KDM4C: variants seen among roughly 807,000 people sequenced by gnomAD.
KDM4C encodes the protein lysine-specific demethylase 4C.
KDM4C carries 81 observed loss-of-function variants against 129.3 expected under a neutral mutation model. The observed-to-expected ratio is 0.63, with a 90% CI of 0.52 to 0.75. The LOEUF (loss-of-function observed/expected upper bound fraction) is 0.75, where lower values mean the gene tolerates loss of function less well. Among genes scored for constraint, KDM4C ranks in the 30% least tolerant of loss-of-function variants. The pLI, the probability that KDM4C is intolerant of heterozygous loss-of-function variation, is 0.00. For missense variants in KDM4C, 1,457 were observed against 1,304.0 expected (o/e 1.12, Z -1.81); for synonymous variants, 573 against 456.1 (o/e 1.26, Z -3.26).
At chr9:6,856,031 A>G (rs1405916615) in intron 5 of KDM4C, among the ~76,000 whole-genome samples, 4 of 152,156 alleles carry the variant, frequency 2.6e-5, no homozygotes, top group African/African-American at 9.7e-5. Context: ...GTGAGTCACC[A>G]TTCCTGGCCC....
At chr9:7,088,821 A>G (rs1262682943) in intron 17 of KDM4C, among the ~76,000 whole-genome samples, 1 of 152,184 alleles carries the variant, frequency 6.6e-6, no homozygotes, top group African/African-American at 2.4e-5. Context: ...GTCCTGAGCC[A>G]GGAGTACTGT....
chr9:7,151,386 T>C (rs2381569), intron 19 of KDM4C, among the ~76,000 whole-genome samples: 4,632 of 150,704 alleles, frequency 0.031, 272 homozygotes, highest in East Asian at 0.26. Context: ...AAAGGGTGTG[T>C]ATGTGTCCTT....
chr9:6,991,652 TTAAA>T (rs1304913732), intron 12 of KDM4C, among the ~76,000 whole-genome samples: 1 of 152,158 alleles, frequency 6.6e-6, no homozygotes, highest in Non-Finnish European at 1.5e-5. Flanking sequence ...AGTTTCTTGT[TTAAA>T]TAAATTTATC....
At chr9:7,081,757 C>G (rs185789471) in intron 17 of KDM4C, among the ~76,000 whole-genome samples, 1 of 152,258 alleles carries the variant, frequency 6.6e-6, no homozygotes, top group Admixed American at 6.5e-5. Flanking sequence ...GGGATTTCCA[C>G]TATTTGCAAA....
chr9:7,009,307 G>T (rs1169094099), intron 12 of KDM4C, among the ~76,000 whole-genome samples: 3 of 152,154 alleles, frequency 2.0e-5, no homozygotes, highest in African/African-American at 4.8e-5. Context: ...AATGACTGTA[G>T]TTTGTCTGCT....
rs529750174 is a variant in KDM4C, at chr9:6,806,866, C to CTCTCCG, written c.320+1104_320+1109dup. Among the ~76,000 whole-genome samples, 107 of 143,588 alleles carry CTCTCCG rather than the reference C, an allele frequency of 7.5e-4. 1 individual carries two copies. Among genetic ancestry groups the CTCTCCG allele is most frequent in the Middle Eastern group, 6.9e-3 (2 of 290 alleles). The allele number at this position is 143,588 out of a possible 152,430, so 94.2% of individuals were successfully genotyped here. On this transcript the variant is annotated intron_variant, in intron 3 of 21. Transcript: ENST00000381309. ...CAGAAGTGACACACTGTTGCTCTCC[C>CTCTCCG]TCTCCGTCTCCGTCTCCCTCTCCCT...
intron 17 of KDM4C, among the ~76,000 whole-genome samples, chr9:7,089,047 A>C (rs534682786): frequency 3.5e-4 from 53 of 152,330 alleles, no homozygotes; most frequent in African/African-American, 1.3e-3. Context: ...TGAGAAAAAA[A>C]ATCGAGATGA....
At chr9:7,163,425 T>G (rs1462913569) in intron 19 of KDM4C, among the ~76,000 whole-genome samples, 1 of 151,990 alleles carries the variant, frequency 6.6e-6, no homozygotes, top group South Asian at 2.1e-4. Flanking sequence ...AAAAATAAAA[T>G]TAAGTCGTAA....
At chr9:7,074,354 A>C (rs1833619783) in intron 17 of KDM4C, among the ~76,000 whole-genome samples, 1 of 152,132 alleles carries the variant, frequency 6.6e-6, no homozygotes, top group Non-Finnish European at 1.5e-5. Context: ...TTTAGTAGAA[A>C]TGAGGTTTCA....
chr9:6,817,812 G>C (rs1378927610), intron 4 of KDM4C, among the ~76,000 whole-genome samples: 1 of 142,534 alleles, frequency 7.0e-6, no homozygotes, highest in African/African-American at 2.7e-5. Flanking sequence ...TGTAGCCCAG[G>C]CTGGAGTGCA....
Position 6,849,716 on chromosome 9 carries a change from A to G in KDM4C, c.629+16A>G, listed in dbSNP as rs1393498824. The G allele has an allele frequency of 6.5e-7, 1 of 1,538,286 alleles. No homozygotes were observed. Among genetic ancestry groups the G allele is most frequent in the Non-Finnish European group, 8.8e-7 (1 of 1,133,912 alleles). On this transcript the variant is annotated intron_variant, in intron 5 of 21. Transcript: ENST00000381309. ...CCAAGTCTTGGCAAGTTACTTGTTT[A>G]ATATTCATTTACTTTGGAGTTTTGA...
intron 4 of KDM4C, among the ~76,000 whole-genome samples, chr9:6,823,837 T>C (rs145620640): frequency 1.3e-5 from 2 of 152,368 alleles, no homozygotes; most frequent in African/African-American, 4.8e-5. Context: ...CTTCCTTCAG[T>C]ACGCACCATC....
chr9:7,120,280 T>C (rs1839356498), intron 18 of KDM4C, among the ~76,000 whole-genome samples: 1 of 152,214 alleles, frequency 6.6e-6, no homozygotes, highest in African/African-American at 2.4e-5. Flanking sequence ...TCCTCCTTCT[T>C]CAGGTTGTAA....
chr9:6,987,963 G>T (rs1004115503), intron 11 of KDM4C, among the ~76,000 whole-genome samples: 4 of 151,152 alleles, frequency 2.6e-5, no homozygotes, highest in African/African-American at 9.7e-5. Context: ...TTCGAGATGA[G>T]CCTGGACAAC....
At chr9:6,824,375 G>A (rs1833535411) in intron 4 of KDM4C, among the ~76,000 whole-genome samples, 1 of 152,170 alleles carries the variant, frequency 6.6e-6, no homozygotes, top group Non-Finnish European at 1.5e-5. Context: ...ACTGCAGCAA[G>A]ATGGTCTAGT....
chr9:7,085,992 C>T (rs1382180049), intron 17 of KDM4C, among the ~76,000 whole-genome samples: 1 of 152,106 alleles, frequency 6.6e-6, no homozygotes, highest in African/African-American at 2.4e-5. Flanking sequence ...CCCGTGTCTA[C>T]TAAAAATGCA....
In KDM4C at chr9:6,902,265, T is replaced by A. The variant is rs543195649; in HGVS notation, c.921+9033T>A. Among the ~76,000 whole-genome samples, 200 of 152,308 alleles carry A rather than the reference T, an allele frequency of 1.3e-3. 3 individuals are homozygous for A. The highest frequency in any genetic ancestry group is 4.0e-3 in the African/African-American group (167 of 41,556). On this transcript the variant is annotated intron_variant, in intron 8 of 21. Transcript: ENST00000381309. ...TATAGAATTGTGCCCACATATTTCA[T>A]GATCAAGTAAACATGCCCAGTAGTA...
chr9:7,067,793 T>C (rs1324651983), intron 17 of KDM4C, among the ~76,000 whole-genome samples: 1 of 152,080 alleles, frequency 6.6e-6, no homozygotes, highest in Non-Finnish European at 1.5e-5. Context: ...ATTGGAGTAA[T>C]GATTTTTGAC....
At chr9:7,156,869 G>C (rs932594707) in intron 19 of KDM4C, among the ~76,000 whole-genome samples, 4 of 152,176 alleles carry the variant, frequency 2.6e-5, no homozygotes, top group Admixed American at 2.6e-4. Flanking sequence ...CTTTAAAGTA[G>C]TTTTTTCCAA....
Sources: gnomAD v4.1 joint callset for allele counts (sites outside exome capture counted in the v4.1 genomes callset) on GRCh38, gnomAD v4.1.1 for gene constraint, MANE v1.5 for transcripts, NCBI Gene and HGNC (gene_info 2026-07-23, HGNC 2026-07-21) for gene names.